The following TRAPPC11 variants were observed in gnomAD, a reference collection of about 807,000 sequenced individuals.
TRAPPC11 encodes the protein trafficking protein particle complex subunit 11.
In TRAPPC11, 104 loss-of-function variants were observed where a neutral mutation model predicts 151.2. That is an observed-to-expected ratio of 0.69 (90% CI 0.59 to 0.81). The LOEUF is 0.81. Ranked by LOEUF, TRAPPC11 falls within the 30% of genes least tolerant of loss-of-function variation. The pLI, the probability that TRAPPC11 is intolerant of heterozygous loss-of-function variation, is 0.00. For synonymous variants in TRAPPC11, 456 were observed against 472.3 expected (o/e 0.97, Z 0.45); for missense variants, 1,230 against 1,349.6 (o/e 0.91, Z 1.39).
chr4:183,660,000 A>C (rs1244671173), intron 1 of TRAPPC11, among the ~76,000 whole-genome samples: 1 of 152,106 alleles, frequency 6.6e-6, no homozygotes. Flanking sequence ...CTTCCCTTGC[A>C]TTACTTGATC....
chr4:183,690,578 A>G (rs979843697), intron 18 of TRAPPC11, among the ~76,000 whole-genome samples: 5 of 152,212 alleles, frequency 3.3e-5, no homozygotes, highest in African/African-American at 7.2e-5. Context: ...GGACAACTGT[A>G]TGTGAGAGAT....
chr4:183,676,974 A>T (rs1335464584), intron 7 of TRAPPC11, among the ~76,000 whole-genome samples: 2 of 152,152 alleles, frequency 1.3e-5, no homozygotes, highest in East Asian at 3.9e-4. Context: ...CCTGTTGGCC[A>T]GGCTGATCTG....
chr4:183,684,762 A>T lies in TRAPPC11; in HGVS notation c.1488A>T (p.Leu496Phe). 2 of 1,613,794 alleles carry T rather than the reference A, an allele frequency of 1.2e-6. No homozygotes were observed. The highest frequency in any genetic ancestry group is 1.7e-6 in the Non-Finnish European group (2 of 1,179,696). Residue 496 changes from leucine (L) to phenylalanine (F), a missense_variant, in exon 15 of 30, where the codon TTA becomes TTT. Physicochemically the swap from Leu to Phe is conservative, Grantham distance 22 (BLOSUM62 0). Coordinates refer to ENST00000334690, the MANE Select transcript of TRAPPC11 (RefSeq NM_021942.6). Reference protein sequence around the residue: ...EGWWTLLTSVLTTALKCSYLM... With the variant: ...EGWWTLLTSVFTTALKCSYLM... ...GGTGGACTCTGCTCACTTCTGTATTAACTACAGCTCTGAAGTGCTCCTACC... is the reference window on the plus strand; with the variant it reads ...GGTGGACTCTGCTCACTTCTGTATTTACTACAGCTCTGAAGTGCTCCTACC...
chr4:183,673,675 AAAATG>A (rs775315198), intron 5 of TRAPPC11, among the ~76,000 whole-genome samples: 16 of 152,238 alleles, frequency 1.1e-4, no homozygotes, highest in Non-Finnish European at 2.1e-4. Context: ...CCCTGTCTCA[AAAATG>A]AAATGAAATG....
In TRAPPC11 at chr4:183,674,725, C is replaced by A; in HGVS notation, c.573C>A (p.Ala191=). Residue 191 remains alanine, a synonymous_variant, in exon 6 of 30, where the codon GCC becomes GCA. Coordinates refer to ENST00000334690, the MANE Select transcript of TRAPPC11 (RefSeq NM_021942.6). ...TTGTTTTTTACAGATTGGAAAATGC[C>A]TTTTATGAACATGCACAGACTTATT... ...LVGYIIRLEN[A]FYEHAQTYYY... 1.3e-6 allele frequency: 2 copies of A among 1,539,634 alleles called. No individual in the cohort carries two copies. Among genetic ancestry groups the A allele is most frequent in the Non-Finnish European group, 8.7e-7 (1 of 1,146,410 alleles).
intron 1 of TRAPPC11, among the ~76,000 whole-genome samples, chr4:183,660,840 AGT>A (rs1446467329): frequency 1.3e-5 from 2 of 152,110 alleles, no homozygotes; most frequent in African/African-American, 4.8e-5. Context: ...CAGCCTCCCG[AGT>A]AGCTGGGACT....
rs571708869 is a variant in TRAPPC11, at chr4:183,662,003, A to G, written c.-21-1844A>G. ...CAGTCTTGAACTCCTGGCCTCAACA[A>G]TCCTCTGGCCTTGTCCTCCAAAAGT... On this transcript the variant is annotated intron_variant, in intron 1 of 29. Transcript: ENST00000334690. Among the ~76,000 whole-genome samples, 7 of 152,012 alleles carry G rather than the reference A, an allele frequency of 4.6e-5. No homozygotes were observed. The East Asian group carries it at 5.8e-4, about 13-fold the overall frequency.
At chr4:183,678,559 T>C (rs978135672) in intron 8 of TRAPPC11, among the ~76,000 whole-genome samples, 6 of 152,236 alleles carry the variant, frequency 3.9e-5, no homozygotes, top group Non-Finnish European at 7.3e-5. Context: ...ACCCAAAATA[T>C]ATTGCAAGAT....
At chr4:183,666,880 T>C (rs1156329034) in intron 3 of TRAPPC11, 180 bp from the exon 4 acceptor site, 4 of 513,476 alleles carry the variant, frequency 7.8e-6, no homozygotes, top group African/African-American at 1.9e-5. Flanking sequence ...ATCATACTTT[T>C]AGAATTTAAA....
chr4:183,674,501 T>C (rs1241481291), intron 5 of TRAPPC11, among the ~76,000 whole-genome samples: 1 of 152,050 alleles, frequency 6.6e-6, no homozygotes, highest in African/African-American at 2.4e-5. Flanking sequence ...GTATCCTGTA[T>C]TATAAATAAT....
intron 22 of TRAPPC11, among the ~76,000 whole-genome samples, 192 bp downstream of exon 22, chr4:183,694,230 G>T (rs1253294195): frequency 6.6e-6 from 1 of 152,106 alleles, no homozygotes; most frequent in Non-Finnish European, 1.5e-5. Context: ...TTCTACAAGG[G>T]AATTTAGAAA....
intron 23 of TRAPPC11, among the ~76,000 whole-genome samples, chr4:183,696,007 T>A (rs1736516848): frequency 6.6e-6 from 1 of 152,150 alleles, no homozygotes; most frequent in Non-Finnish European, 1.5e-5. Flanking sequence ...GCATCCCAAA[T>A]CTGAAAATTC....
At chr4:183,676,576 T>A (rs1306216935) in intron 7 of TRAPPC11, among the ~76,000 whole-genome samples, 1 of 152,252 alleles carries the variant, frequency 6.6e-6, no homozygotes, top group Non-Finnish European at 1.5e-5. Context: ...GAAAAGCCTG[T>A]TTTGAGATTT....
intron 6 of TRAPPC11, 118 bp downstream of exon 6, chr4:183,674,930 T>A (rs1233616055): frequency 1.5e-6 from 1 of 651,486 alleles, no homozygotes; most frequent in Non-Finnish European, 2.5e-6. Context: ...TTTCTAAAGT[T>A]TTTTTCAATG....
At chr4:183,683,344 A>G (rs886867276) in intron 11 of TRAPPC11, among the ~76,000 whole-genome samples, 1 of 152,218 alleles carries the variant, frequency 6.6e-6, no homozygotes, top group African/African-American at 2.4e-5. Flanking sequence ...TACGTAATTT[A>G]ATTCAAGCAA....
Position 183,665,231 on chromosome 4 carries a change from A to C in TRAPPC11, c.205-1026A>C, listed in dbSNP as rs950400824. 1.1e-4 allele frequency among the ~76,000 whole-genome samples: 16 copies of C among 150,548 alleles called. 1 individual carries two copies. The South Asian group carries it at 3.3e-3, about 31-fold the overall frequency. On this transcript the variant is annotated intron_variant, in intron 2 of 29. Transcript: ENST00000334690. ...TGCTTCAGCCTCCCGAGTGGCTGGG[A>C]CTACAGGCGCCCGCCACCACGTCCA...
chr4:183,707,923 C>CCT (rs551068126), intron 28 of TRAPPC11, among the ~76,000 whole-genome samples: 5 of 149,704 alleles, frequency 3.3e-5, no homozygotes, highest in African/African-American at 1.2e-4. Flanking sequence ...TTCAAAACAT[C>CCT]TTTTTTTTTT....
In TRAPPC11 at chr4:183,702,249, G is replaced by A. The variant is rs111929417; in HGVS notation, c.2963+441G>A. 4.8e-3 allele frequency among the ~76,000 whole-genome samples: 724 copies of A among 152,078 alleles called. 4 individuals are homozygous for A. Among genetic ancestry groups the A allele is most frequent in the African/African-American group, 0.016 (678 of 41,484 alleles). ...GTCCCAGCTACTCAGGAGGCTGAGG[G>A]GGGAGGATGACTTGAGCTCAAAAAG... On this transcript the variant is annotated intron_variant, in intron 26 of 29. Transcript: ENST00000334690.
At chr4:183,686,169 C>T (rs2111372415) in intron 17 of TRAPPC11, among the ~76,000 whole-genome samples, 1 of 152,216 alleles carries the variant, frequency 6.6e-6, no homozygotes, top group South Asian at 2.1e-4. Flanking sequence ...TAGAGCCTTG[C>T]TCTGTCACCT....
Sources: gnomAD v4.1 joint callset for allele counts (sites outside exome capture counted in the v4.1 genomes callset) on GRCh38, gnomAD v4.1.1 for gene constraint, MANE v1.5 for transcripts, NCBI Gene and HGNC (gene_info 2026-07-23, HGNC 2026-07-21) for gene names.